The following SLC6A9 variants were observed in gnomAD, a reference collection of about 807,000 sequenced individuals.
SLC6A9 encodes the protein sodium- and chloride-dependent glycine transporter 1.
SLC6A9 carries 31 observed loss-of-function variants against 70.9 expected under a neutral mutation model. That is an observed-to-expected ratio of 0.44 (90% CI 0.33 to 0.59). SLC6A9 has a LOEUF of 0.59. Among genes scored for constraint, SLC6A9 ranks in the 20% least tolerant of loss-of-function variants. SLC6A9 has a pLI of 0.04. For synonymous variants in SLC6A9, 310 were observed against 341.3 expected (o/e 0.91, Z 1.01); for missense variants, 631 against 845.2 (o/e 0.75, Z 3.14).
At position 44,024,310 on chromosome 1, in the gene SLC6A9, A is replaced by G; in HGVS notation, c.-33T>C. 2 of 1,613,764 alleles carry G rather than the reference A, an allele frequency of 1.2e-6. No homozygotes were observed. The highest frequency in any genetic ancestry group is 1.7e-6 in the Non-Finnish European group (2 of 1,179,642). ...GTGGGTTGGGGCTCTGGTGACGGGG[A>G]CCACACTCACAGGCTCTGCTTCCAG... On this transcript the variant is annotated 5_prime_UTR_variant, in exon 2 of 14. Transcript: ENST00000372310.
chr1:44,019,452 A>G (rs1249444400), intron 2 of SLC6A9, among the ~76,000 whole-genome samples: 1 of 151,904 alleles, frequency 6.6e-6, no homozygotes, highest in African/African-American at 2.4e-5. Context: ...CCCCAGACAC[A>G]CTCCCCTGAC....
intron 12 of SLC6A9, among the ~76,000 whole-genome samples, chr1:43,998,341 GAAGT>G (rs1275836596): frequency 6.6e-6 from 1 of 152,214 alleles, no homozygotes; most frequent in Admixed American, 6.5e-5. Context: ...ATGGCTAACT[GAAGT>G]AAGGCCACAT....
chr1:44,015,839 G>C (rs917491400), intron 2 of SLC6A9: 1 of 985,150 alleles, frequency 1.0e-6, no homozygotes, highest in African/African-American at 1.7e-5. Flanking sequence ...CTGGGGCCGG[G>C]GTGGAGGGGC....
At chr1:44,011,810 GGCCTGGGCCCCACTGAGGA>G (rs2086582289) in intron 2 of SLC6A9, 1 of 1,368,604 alleles carries the variant, frequency 7.3e-7, no homozygotes. Flanking sequence ...CTGAGCTGGT[GGCCTGGGCCCCACTGAGGA>G]CAGCCCCTTG....
At chr1:44,000,101 C>T (rs1450406751) in intron 12 of SLC6A9, among the ~76,000 whole-genome samples, 1 of 152,222 alleles carries the variant, frequency 6.6e-6, no homozygotes, top group Non-Finnish European at 1.5e-5. Flanking sequence ...CCTCAGTTTC[C>T]TCATCTGTAA....
chr1:44,017,370 C>CAT (rs1231441721), intron 2 of SLC6A9: 1 of 8,788 alleles, frequency 1.1e-4, no homozygotes, highest in Non-Finnish European at 2.0e-4. Flanking sequence ...ACTGGAACAA[C>CAT]ACACACACAC....
chr1:44,014,208 C>T (rs1226881900), intron 2 of SLC6A9, among the ~76,000 whole-genome samples: 1 of 152,096 alleles, frequency 6.6e-6, no homozygotes, highest in African/African-American at 2.4e-5. Flanking sequence ...GGCATGGTTC[C>T]CTCTGGCTTG....
At position 44,001,172 on chromosome 1, in the gene SLC6A9, T is replaced by A; in HGVS notation, c.1327A>T (p.Thr443Ser). The change falls in exon 10 of 14, where the codon ACC becomes TCC. Residue 443 changes from threonine to serine, a missense_variant. By Grantham distance (58) the Thr-to-Ser change is moderately conservative. Coordinates refer to ENST00000372310, the MANE Select transcript of SLC6A9 (RefSeq NM_001024845.3). Reference protein sequence around the residue: ...VAGFLLGIPLTSQAGIYWLLL... With the variant: ...VAGFLLGIPLSSQAGIYWLLL... ...CCTTACGCAGCTCTTACCTGGCTGG[T>A]GAGGGGGATGCCCAGCAGGAAGCCA... is the stretch of plus-strand genomic sequence containing the variant. The A allele has an allele frequency of 6.2e-7, 1 of 1,614,120 alleles. No individual in the cohort carries two copies. The highest frequency in any genetic ancestry group is 2.2e-5 in the East Asian group (1 of 44,890).
intron 2 of SLC6A9, among the ~76,000 whole-genome samples, chr1:44,022,401 G>C (rs1425885752): frequency 6.6e-6 from 1 of 152,200 alleles, no homozygotes; most frequent in Non-Finnish European, 1.5e-5. Context: ...CTCCAGGAAA[G>C]GTGGGGCCAT....
intron 12 of SLC6A9, 66 bp downstream of exon 12, chr1:44,000,701 G>T: frequency 9.3e-7 from 1 of 1,071,754 alleles, no homozygotes; most frequent in South Asian, 1.4e-5. Flanking sequence ...CCTCCGCTGG[G>T]TCCCAAGAGA....
At chr1:44,012,772 G>T (rs1029553747) in intron 2 of SLC6A9, among the ~76,000 whole-genome samples, 1 of 152,240 alleles carries the variant, frequency 6.6e-6, no homozygotes, top group African/African-American at 2.4e-5. Flanking sequence ...GTCAAGGAAG[G>T]TCTCCCTGAT....
At chr1:43,999,905 C>T (rs1287311124) in intron 12 of SLC6A9, among the ~76,000 whole-genome samples, 2 of 152,184 alleles carry the variant, frequency 1.3e-5, no homozygotes, top group Non-Finnish European at 2.9e-5. Flanking sequence ...CTGCCTTCCC[C>T]GAATCCCACC....
chr1:44,003,027 G>A (rs1197804458), intron 5 of SLC6A9, 42 bp from the exon 6 acceptor site: 2 of 1,611,206 alleles, frequency 1.2e-6, no homozygotes, highest in East Asian at 4.5e-5. Flanking sequence ...AGCCGCCGCT[G>A]CCCAGCAACA....
chr1:43,998,101 C>T, intron 12 of SLC6A9, 76 bp from the exon 13 acceptor site: 2 of 1,360,682 alleles, frequency 1.5e-6, no homozygotes, highest in Non-Finnish European at 1.0e-6. Flanking sequence ...CTACCAGCAC[C>T]CTTTCCTCTC....
intron 5 of SLC6A9, 101 bp downstream of exon 5, chr1:44,008,252 T>C (rs2086393161): frequency 2.5e-6 from 3 of 1,198,678 alleles, no homozygotes; most frequent in Non-Finnish European, 2.5e-6. Flanking sequence ...AGCAGCGGGC[T>C]GAACCTGCAG....
intron 12 of SLC6A9, among the ~76,000 whole-genome samples, chr1:43,999,343 G>A (rs1280229941): frequency 1.3e-5 from 2 of 151,512 alleles, no homozygotes; most frequent in East Asian, 2.0e-4. Flanking sequence ...CACAGGAAGA[G>A]CCCCGCCCGC....
intron 1 of SLC6A9, among the ~76,000 whole-genome samples, chr1:44,029,016 T>C (rs2087040677): frequency 6.6e-6 from 1 of 152,116 alleles, no homozygotes; most frequent in East Asian, 1.9e-4. Context: ...AGGAAACCGG[T>C]GCCCGACCCA....
At chr1:44,027,781 G>A (rs1442433967) in intron 1 of SLC6A9, among the ~76,000 whole-genome samples, 1 of 152,224 alleles carries the variant, frequency 6.6e-6, no homozygotes, top group Admixed American at 6.5e-5. Context: ...TTCGAGACCA[G>A]CCTGGCTAAC....
intron 1 of SLC6A9, among the ~76,000 whole-genome samples, chr1:44,029,182 T>C (rs574909891): frequency 1.8e-4 from 28 of 152,324 alleles, no homozygotes; most frequent in African/African-American, 6.7e-4. Flanking sequence ...CAGACAGGAC[T>C]GTCAGGTCAA....
Sources: gnomAD v4.1 joint callset for allele counts (sites outside exome capture counted in the v4.1 genomes callset) on GRCh38, gnomAD v4.1.1 for gene constraint, MANE v1.5 for transcripts, NCBI Gene and HGNC (gene_info 2026-07-23, HGNC 2026-07-21) for gene names.